The following ELOC variants were observed in gnomAD, a reference collection of about 807,000 sequenced individuals.
The protein encoded by ELOC is elongin C.
For synonymous variants in ELOC, 40 were observed against 51.3 expected (o/e 0.78, Z 0.94); for missense variants, 38 against 139.0 (o/e 0.27, Z 3.65).
At chr8:73,952,926 AT>A (rs1259179029) in intron 3 of ELOC, among the ~76,000 whole-genome samples, 2 of 152,222 alleles carry the variant, frequency 1.3e-5, no homozygotes, top group Non-Finnish European at 2.9e-5. Context: ...TTGAATAGAC[AT>A]TTCTCCAAAG....
chr8:73,966,668 C>G (rs1394611867), intron 1 of ELOC, among the ~76,000 whole-genome samples: 2 of 149,006 alleles, frequency 1.3e-5, no homozygotes, highest in Non-Finnish European at 3.0e-5. Flanking sequence ...AAGTGGAGGT[C>G]TCCCTGTGTT....
chr8:73,971,840 GC>G (rs897572538), intron 1 of ELOC: 7 of 152,348 alleles, frequency 4.6e-5, no homozygotes, highest in Non-Finnish European at 8.8e-5. Context: ...GCTGGCTGCT[GC>G]CCCTCCTTCC....
At chr8:73,951,652 CA>C in intron 3 of ELOC, among the ~76,000 whole-genome samples, 1 of 148,630 alleles carries the variant, frequency 6.7e-6, no homozygotes, top group Non-Finnish European at 1.5e-5. Flanking sequence ...AACCCCACAA[CA>C]ACAACAACAA....
intron 1 of ELOC, among the ~76,000 whole-genome samples, chr8:73,969,229 CCTTT>C (rs557720376): frequency 1.1e-3 from 161 of 152,324 alleles, no homozygotes; most frequent in African/African-American, 3.8e-3. Flanking sequence ...ATACTCCCTT[CCTTT>C]GTCTTCCCCA....
intron 2 of ELOC, among the ~76,000 whole-genome samples, chr8:73,958,194 C>T (rs911881042): frequency 1.3e-5 from 2 of 148,584 alleles, no homozygotes; most frequent in African/African-American, 2.5e-5. Context: ...CTCCTGGGTT[C>T]GAGATCCTTT....
intron 1 of ELOC, among the ~76,000 whole-genome samples, chr8:73,966,900 C>T (rs917320778): frequency 2.6e-5 from 4 of 152,306 alleles, no homozygotes; most frequent in Non-Finnish European, 5.9e-5. Flanking sequence ...TTTCTGAAGA[C>T]TTGATTTCAG....
At chr8:73,955,377 G>A (rs1814092339) in intron 3 of ELOC, 1 of 152,336 alleles carries the variant, frequency 6.6e-6, no homozygotes, top group African/African-American at 2.4e-5. Context: ...AGGCTGAGGT[G>A]GGTGGATCAC....
rs1219993470 is a variant in ELOC, at chr8:73,946,458, A to T, written c.*172T>A. 6.2e-6 allele frequency: 3 copies of T among 487,210 alleles called. No homozygotes were observed. The highest frequency in any genetic ancestry group is 1.9e-5 in the African/African-American group (1 of 51,678). The allele number at this position is 487,210 out of a possible 1,614,324, so 30.2% of individuals were successfully genotyped here. A position where few individuals can be genotyped will look rare whatever the true frequency, so the allele number is the denominator to read the frequency against. On this transcript the variant is annotated 3_prime_UTR_variant, in exon 4 of 4. Transcript: ENST00000520242. ...AATGTCCTTAATTTGTTGATGTAGC[A>T]AACAAATTTCAACTTTGATTGCTAT...
At chr8:73,967,458 ATTTTC>A (rs1051228498) in intron 1 of ELOC, among the ~76,000 whole-genome samples, 4 of 144,366 alleles carry the variant, frequency 2.8e-5, no homozygotes, top group East Asian at 2.0e-4. Flanking sequence ...ATTTTATATA[ATTTTC>A]TTTTCTTTTT....
intron 3 of ELOC, chr8:73,955,632 G>A (rs1814123160): frequency 3.1e-6 from 1 of 319,376 alleles, no homozygotes; most frequent in Non-Finnish European, 5.8e-6. Context: ...ATTAGCCAGG[G>A]GTGGTGGTAC....
intron 2 of ELOC, among the ~76,000 whole-genome samples, chr8:73,957,047 C>CCTA (rs1355096813): frequency 6.6e-6 from 1 of 151,958 alleles, no homozygotes; most frequent in East Asian, 1.9e-4. Context: ...GTGGCGGGTG[C>CCTA]CTGTAGTCCC....
At chr8:73,951,908 AG>A (rs1813796964) in intron 3 of ELOC, among the ~76,000 whole-genome samples, 1 of 152,222 alleles carries the variant, frequency 6.6e-6, no homozygotes, top group Admixed American at 6.5e-5. Context: ...ATTTTCAACA[AG>A]GGTGCTATGG....
intron 2 of ELOC, among the ~76,000 whole-genome samples, chr8:73,959,317 C>A (rs1814431919): frequency 6.6e-6 from 1 of 152,216 alleles, no homozygotes; most frequent in Non-Finnish European, 1.5e-5. Context: ...TCAAGCAACT[C>A]TCTGGTCTCA....
At chr8:73,970,971 T>C (rs890930754) in intron 1 of ELOC, among the ~76,000 whole-genome samples, 1 of 133,462 alleles carries the variant, frequency 7.5e-6, no homozygotes, top group Non-Finnish European at 1.6e-5. Flanking sequence ...GATGCGGAGG[T>C]TGCAGTGAGC....
Position 73,969,326 on chromosome 8 carries a change from T to C in ELOC, c.-51+2751A>G, listed in dbSNP as rs754524328. Among the ~76,000 whole-genome samples, 7 of 152,330 alleles carry C rather than the reference T, an allele frequency of 4.6e-5. No individual in the cohort carries two copies. In the South Asian group the frequency reaches 6.2e-4, roughly 14 times the overall value. On this transcript the variant is annotated intron_variant, in intron 1 of 3. Transcript: ENST00000520242. ...AAAACATTTTTTTTTGTTCGTTTTG[T>C]TCCTGGGAAGAAAGCAAAACCCATT... is the stretch of plus-strand genomic sequence containing the variant.
chr8:73,960,041 A>C (rs1814484749), intron 1 of ELOC, among the ~76,000 whole-genome samples: 1 of 152,222 alleles, frequency 6.6e-6, no homozygotes, highest in Admixed American at 6.5e-5. Context: ...AATCAGAGAA[A>C]GATTACTTAA....
At chr8:73,960,153 T>C (rs967474321) in intron 1 of ELOC, among the ~76,000 whole-genome samples, 3 of 152,200 alleles carry the variant, frequency 2.0e-5, no homozygotes, top group Admixed American at 1.3e-4. Flanking sequence ...TGTAAAAATG[T>C]TCATTCCATT....
chr8:73,958,092 GT>G (rs34797762), intron 2 of ELOC, among the ~76,000 whole-genome samples: 28,481 of 134,032 alleles, frequency 0.21, 3,189 homozygotes, highest in Middle Eastern at 0.32. Context: ...TTTATTTATG[GT>G]TTTTTTTTTT....
intron 1 of ELOC, among the ~76,000 whole-genome samples, chr8:73,965,786 T>G (rs149147474): frequency 6.6e-6 from 1 of 152,358 alleles, no homozygotes; most frequent in East Asian, 1.9e-4. Context: ...TTCTGCCTAA[T>G]TAAGCTTTTG....
Sources: allele counts gnomAD v4.1 joint callset (sites outside exome capture counted in the v4.1 genomes callset), GRCh38; gene constraint gnomAD v4.1.1; transcripts MANE v1.5; gene names NCBI Gene and HGNC (gene_info 2026-07-23, HGNC 2026-07-21).